The following GPC3 variants were observed in gnomAD, a reference collection of about 807,000 sequenced individuals.
GPC3 encodes the protein glypican-3.
GPC3 carries 3 observed loss-of-function variants against 34.4 expected under a neutral mutation model. That is an observed-to-expected ratio of 0.09 (90% CI 0.04 to 0.23). GPC3 has a LOEUF of 0.23. GPC3 is among the 10% of genes least tolerant of loss of function. GPC3 has a pLI of 1.00. For missense variants in GPC3, 351 were observed against 445.6 expected, an observed-to-expected ratio of 0.79 and a Z score of 1.91; for synonymous variants, 177 against 174.0, an observed-to-expected ratio of 1.02 and a Z score of -0.13.
At chrX:133,860,110 C>CT (rs2075928735) in intron 2 of GPC3, among the ~76,000 whole-genome samples, 1 of 111,823 alleles carries the variant, frequency 8.9e-6, no homozygotes, top group Non-Finnish European at 1.9e-5. Flanking sequence ...AGGCCCAACT[C>CT]TAACACGGGA....
chrX:133,914,659 G>A (rs1453947480), intron 2 of GPC3, among the ~76,000 whole-genome samples: 1 of 110,018 alleles, frequency 9.1e-6, no homozygotes, highest in Non-Finnish European at 1.9e-5. Flanking sequence ...TACCTTCCTC[G>A]AGGTGCTGTA....
intron 6 of GPC3, among the ~76,000 whole-genome samples, chrX:133,598,824 C>T (rs775950528): frequency 1.4e-3 from 153 of 111,998 alleles, no homozygotes; most frequent in African/African-American, 4.4e-3. Flanking sequence ...TACTGGCTCA[C>T]TGAGCAATGC....
At chrX:133,848,251 A>G (rs1267807285) in intron 2 of GPC3, among the ~76,000 whole-genome samples, 2 of 111,985 alleles carry the variant, frequency 1.8e-5, no homozygotes, top group Admixed American at 1.9e-4. Context: ...TTTGGGGGGT[A>G]AAGAAATATA....
chrX:133,772,709 A>G (rs1417894778), intron 2 of GPC3, among the ~76,000 whole-genome samples: 1 of 112,102 alleles, frequency 8.9e-6, no homozygotes, highest in Non-Finnish European at 1.9e-5. Flanking sequence ...TGACAATAGT[A>G]ACAAGAACTA....
intron 7 of GPC3, among the ~76,000 whole-genome samples, chrX:133,592,964 C>T (rs2069867515): frequency 9.0e-6 from 1 of 111,039 alleles, no homozygotes; most frequent in Non-Finnish European, 1.9e-5. Context: ...CTGCATCACA[C>T]TTGAATTGCA....
chrX:133,900,790 C>A (rs1216719091), intron 2 of GPC3, among the ~76,000 whole-genome samples: 4 of 111,278 alleles, frequency 3.6e-5, no homozygotes, highest in Non-Finnish European at 7.5e-5. Context: ...GGTGGCAGAG[C>A]AACCACCACT....
chrX:133,821,845 T>A (rs1231576185), intron 2 of GPC3, among the ~76,000 whole-genome samples: 1 of 112,086 alleles, frequency 8.9e-6, no homozygotes, highest in African/African-American at 3.2e-5. Context: ...CCTATAATTG[T>A]CACTCACAGT....
intron 2 of GPC3, among the ~76,000 whole-genome samples, chrX:133,940,387 T>C (rs758991853): frequency 8.9e-6 from 1 of 112,025 alleles, no homozygotes; most frequent in South Asian, 3.8e-4. Context: ...GGGCAATGAC[T>C]TTGAAGTTAG....
At chrX:133,738,428 G>A (rs982688230) in intron 3 of GPC3, among the ~76,000 whole-genome samples, 1 of 112,002 alleles carries the variant, frequency 8.9e-6, no homozygotes, top group African/African-American at 3.2e-5. Context: ...CTCTTAGTAG[G>A]CAGGATAGAT....
intron 2 of GPC3, among the ~76,000 whole-genome samples, chrX:133,860,629 A>C (rs894085580): frequency 8.9e-6 from 1 of 111,948 alleles, no homozygotes; most frequent in African/African-American, 3.2e-5. Flanking sequence ...GAGACAGATG[A>C]ACTGATTACT....
At chrX:133,567,093 A>AGGAG (rs1429975928) in intron 7 of GPC3, among the ~76,000 whole-genome samples, 1 of 112,086 alleles carries the variant, frequency 8.9e-6, no homozygotes, top group Non-Finnish European at 1.9e-5. Context: ...CACTGATGCC[A>AGGAG]GGAGGAAGCT....
At chrX:133,770,198 G>A (rs2071901003) in intron 2 of GPC3, among the ~76,000 whole-genome samples, 1 of 111,136 alleles carries the variant, frequency 9.0e-6, no homozygotes, top group Admixed American at 9.5e-5. Context: ...GACTGCTTGA[G>A]CCCAGGAGGT....
At chrX:133,760,122 T>C (rs1039216837) in intron 2 of GPC3, among the ~76,000 whole-genome samples, 1 of 112,162 alleles carries the variant, frequency 8.9e-6, no homozygotes, top group Non-Finnish European at 1.9e-5. Context: ...TTAAAATTCA[T>C]AACACTAACA....
chrX:133,924,793 C>A (rs1480781176), intron 2 of GPC3, among the ~76,000 whole-genome samples: 1 of 111,440 alleles, frequency 9.0e-6, no homozygotes, highest in Non-Finnish European at 1.9e-5. Flanking sequence ...TAGCTCTCAC[C>A]TAGGAAAACT....
chrX:133,674,069 A>G (rs2070858159), intron 5 of GPC3, among the ~76,000 whole-genome samples: 1 of 110,334 alleles, frequency 9.1e-6, no homozygotes, highest in Admixed American at 9.6e-5. Flanking sequence ...TACAAAACTT[A>G]AAAACAAATT....
intron 6 of GPC3, among the ~76,000 whole-genome samples, chrX:133,643,906 C>A (rs1195073954): frequency 9.4e-6 from 1 of 106,199 alleles, no homozygotes; most frequent in African/African-American, 3.6e-5. Context: ...TGGCTCAGTG[C>A]AACCTCTGCC....
At chrX:133,602,652 T>C (rs993833911) in intron 6 of GPC3, among the ~76,000 whole-genome samples, 1 of 111,470 alleles carries the variant, frequency 9.0e-6, no homozygotes, top group Non-Finnish European at 1.9e-5. Context: ...TAATAATTTA[T>C]TGTATATTTT....
intron 7 of GPC3, among the ~76,000 whole-genome samples, chrX:133,538,566 C>T (rs2069314279): frequency 1.8e-5 from 2 of 110,124 alleles, no homozygotes; most frequent in Non-Finnish European, 1.9e-5. Flanking sequence ...GTTTTGTTTA[C>T]TGTAGTAGTT....
At chrX:133,664,253 C>T (rs1363787406) in intron 5 of GPC3, among the ~76,000 whole-genome samples, 1 of 112,165 alleles carries the variant, frequency 8.9e-6, no homozygotes, top group Non-Finnish European at 1.9e-5. Flanking sequence ...TTGGCATTTG[C>T]AAACAGATTA....
Sources: allele counts gnomAD v4.1 joint callset (sites outside exome capture counted in the v4.1 genomes callset), GRCh38; gene constraint gnomAD v4.1.1; transcripts MANE v1.5; gene names NCBI Gene and HGNC (gene_info 2026-07-23, HGNC 2026-07-21).